The following CNTN4 variants were observed in gnomAD, a reference collection of about 807,000 sequenced individuals.
The protein encoded by CNTN4 is contactin-4.
CNTN4 carries 77 observed loss-of-function variants against 122.5 expected under a neutral mutation model. The observed-to-expected ratio is 0.63, with a 90% CI of 0.52 to 0.76. The LOEUF (loss-of-function observed/expected upper bound fraction) is 0.76, where lower values mean the gene tolerates loss of function less well. Among genes scored for constraint, CNTN4 ranks in the 30% least tolerant of loss-of-function variants. CNTN4 has a pLI of 0.00. For missense variants in CNTN4, 1,256 were observed against 1,259.1 expected (o/e 1.00, Z 0.04); for synonymous variants, 512 against 447.0 (o/e 1.15, Z -1.83).
intron 4 of CNTN4, among the ~76,000 whole-genome samples, chr3:2,730,982 G>C (rs200488885): frequency 6.6e-6 from 1 of 151,500 alleles, no homozygotes; most frequent in Admixed American, 6.6e-5. Flanking sequence ...ACCCGGCTGC[G>C]GAGAGGTGCT....
chr3:2,495,548 T>C (rs1044524957), intron 3 of CNTN4, among the ~76,000 whole-genome samples: 1 of 152,212 alleles, frequency 6.6e-6, no homozygotes, highest in African/African-American at 2.4e-5. Flanking sequence ...GTTAGGAACC[T>C]GGCTGCACAG....
chr3:2,252,008 G>T (rs1021055429), intron 2 of CNTN4, among the ~76,000 whole-genome samples: 1 of 151,676 alleles, frequency 6.6e-6, no homozygotes. Flanking sequence ...TTTACTTTAG[G>T]CTAAGTTAAT....
intron 3 of CNTN4, among the ~76,000 whole-genome samples, chr3:2,407,688 G>A (rs1386483776): frequency 6.6e-6 from 1 of 152,130 alleles, no homozygotes; most frequent in Non-Finnish European, 1.5e-5. Context: ...AGCACTGTAT[G>A]TTAAAATTGA....
At chr3:2,155,470 A>G (rs970333362) in intron 2 of CNTN4, among the ~76,000 whole-genome samples, 6 of 151,672 alleles carry the variant, frequency 4.0e-5, no homozygotes, top group South Asian at 2.1e-4. Flanking sequence ...ACAACAATCT[A>G]TGTATTACAG....
intron 13 of CNTN4, among the ~76,000 whole-genome samples, chr3:2,930,489 C>T (rs937000690): frequency 7.2e-5 from 11 of 152,050 alleles, no homozygotes; most frequent in South Asian, 2.1e-4. Flanking sequence ...TACTTTTCAC[C>T]GAAGCCAAAT....
intron 4 of CNTN4, among the ~76,000 whole-genome samples, chr3:2,586,489 C>T (rs113482575): frequency 0.13 from 19,341 of 152,108 alleles, 1,458 homozygotes; most frequent in South Asian, 0.28. Flanking sequence ...GATGGGATTT[C>T]ACCATGTTGG....
intron 3 of CNTN4, among the ~76,000 whole-genome samples, chr3:2,407,879 GT>G (rs1320274583): frequency 6.6e-6 from 1 of 152,124 alleles, no homozygotes; most frequent in Non-Finnish European, 1.5e-5. Context: ...TATGTGATGA[GT>G]CTAAATTGTT....
intron 6 of CNTN4, among the ~76,000 whole-genome samples, chr3:2,779,171 C>T (rs764375947): frequency 1.3e-5 from 2 of 152,138 alleles, no homozygotes; most frequent in African/African-American, 4.8e-5. Context: ...ATTTTAATAA[C>T]ATCACGATGT....
At chr3:2,450,261 G>A (rs770961287) in intron 3 of CNTN4, among the ~76,000 whole-genome samples, 1 of 152,000 alleles carries the variant, frequency 6.6e-6, no homozygotes, top group Non-Finnish European at 1.5e-5. Context: ...CAGCTACTTG[G>A]GAGGCTGAGG....
At chr3:2,799,097 T>C (rs143482809) in intron 6 of CNTN4, among the ~76,000 whole-genome samples, 1 of 152,218 alleles carries the variant, frequency 6.6e-6, no homozygotes, top group Admixed American at 6.5e-5. Context: ...ATCAGTGATG[T>C]TGAACATTTT....
chr3:2,170,550 T>A lies in CNTN4; in HGVS notation c.-145+69911T>A, dbSNP rs78361457. Among the ~76,000 whole-genome samples the A allele has an allele frequency of 8.3e-3, 1,267 of 152,334 alleles. 15 individuals are homozygous for A. The highest frequency in any genetic ancestry group is 0.028 in the African/African-American group (1,179 of 41,580). ...CTAAGGATGTCACATGTGCCCACATTAATCTGTAAGTTTACTGAAGTTCAA... is the reference window on the plus strand; with the variant it reads ...CTAAGGATGTCACATGTGCCCACATAAATCTGTAAGTTTACTGAAGTTCAA... On this transcript the variant is annotated intron_variant, in intron 2 of 24. Transcript: ENST00000418658.
intron 3 of CNTN4, among the ~76,000 whole-genome samples, chr3:2,570,374 G>T (rs1015565507): frequency 6.6e-6 from 1 of 151,766 alleles, no homozygotes; most frequent in Admixed American, 6.6e-5. Context: ...TGGGGGTCTC[G>T]CTATGTTGCC....
chr3:2,101,205 A>G (rs140925803), intron 2 of CNTN4, among the ~76,000 whole-genome samples: 16 of 152,170 alleles, frequency 1.1e-4, no homozygotes, highest in African/African-American at 3.9e-4. Flanking sequence ...TTTTTGTTCA[A>G]AAGTAGGTCT....
Position 2,831,607 on chromosome 3 carries a change from G to T in CNTN4, c.454+12026G>T, listed in dbSNP as rs141046073. ...CACCCTCTTTTTCTCCCATCATCTGGTGCAGGTTAACACATTATCACAATC... is the reference window on the plus strand; with the variant it reads ...CACCCTCTTTTTCTCCCATCATCTGTTGCAGGTTAACACATTATCACAATC... On this transcript the variant is annotated intron_variant, in intron 7 of 24. Coordinates refer to ENST00000418658, the MANE Select transcript of CNTN4 (RefSeq NM_175607.3). Among the ~76,000 whole-genome samples the T allele has an allele frequency of 3.3e-3, 498 of 152,272 alleles. 2 individuals are homozygous for T. The highest frequency in any genetic ancestry group is 6.6e-3 in the South Asian group (32 of 4,826).
At position 3,008,892 on chromosome 3, in the gene CNTN4, T is replaced by C. The variant is rs17024651; in HGVS notation, c.1487-17210T>C. 4,651 of 957,744 alleles carry C rather than the reference T, an allele frequency of 4.9e-3. 159 individuals carry two copies. The African/African-American group carries it at 0.073, about 15-fold the overall frequency. The allele number at this position is 957,744 out of a possible 1,614,324, so 59.3% of individuals were successfully genotyped here. On this transcript the variant is annotated intron_variant, in intron 14 of 24. Coordinates refer to ENST00000418658, the MANE Select transcript of CNTN4 (RefSeq NM_175607.3). ...GGGTTTCCCATTGTCCTCGGCATTC[T>C]AGGGCAAACCACCAAGATCTAATAA...
chr3:2,830,374 C>T (rs1053386162), intron 7 of CNTN4, among the ~76,000 whole-genome samples: 32 of 152,214 alleles, frequency 2.1e-4, no homozygotes, highest in Admixed American at 2.0e-3. Context: ...GGGCCAAACA[C>T]ATTAGTACCG....
At chr3:2,224,387 G>C (rs542301548) in intron 2 of CNTN4, among the ~76,000 whole-genome samples, 1 of 152,242 alleles carries the variant, frequency 6.6e-6, no homozygotes, top group South Asian at 2.1e-4. Context: ...GTCCACATGT[G>C]TTGTTGCATT....
chr3:2,627,109 G>A (rs1424696783), intron 4 of CNTN4, among the ~76,000 whole-genome samples: 9 of 152,142 alleles, frequency 5.9e-5, no homozygotes, highest in Non-Finnish European at 1.0e-4. Context: ...GCTGAAGTTG[G>A]GAGACCTCCT....
chr3:2,673,154 A>C (rs1233217131), intron 4 of CNTN4, among the ~76,000 whole-genome samples: 1 of 152,150 alleles, frequency 6.6e-6, no homozygotes. Flanking sequence ...TGGTCAAACT[A>C]TTTGGGTTTA....
Sources: allele counts gnomAD v4.1 joint callset (sites outside exome capture counted in the v4.1 genomes callset), GRCh38; gene constraint gnomAD v4.1.1; transcripts MANE v1.5; gene names NCBI Gene and HGNC (gene_info 2026-07-23, HGNC 2026-07-21).